The following RMDN2 variants were observed in gnomAD, a reference collection of about 807,000 sequenced individuals.
The protein encoded by RMDN2 is regulator of microtubule dynamics 2.
RMDN2 carries 61 observed loss-of-function variants against 52.8 expected under a neutral mutation model. The ratio of observed to expected loss-of-function variants is 1.16; its 90% CI spans 0.94 to 1.43. The LOEUF is 1.43. Ranked by LOEUF, RMDN2 falls within the 40% of genes most tolerant of loss-of-function variation. RMDN2 has a pLI of 0.00. For synonymous variants in RMDN2, 180 were observed against 153.1 expected, an observed-to-expected ratio of 1.18 and a Z score of -1.30; for missense variants, 592 against 475.3, an observed-to-expected ratio of 1.25 and a Z score of -2.28.
intron 10 of RMDN2, among the ~76,000 whole-genome samples, chr2:38,006,011 G>T (rs1360496304): frequency 6.6e-6 from 1 of 152,172 alleles, no homozygotes; most frequent in African/African-American, 2.4e-5. Flanking sequence ...TCAGATGGTT[G>T]TAGATATGCA....
At chr2:37,964,184 A>G (rs1323930870) in intron 2 of RMDN2, among the ~76,000 whole-genome samples, 32 of 138,392 alleles carry the variant, frequency 2.3e-4, no homozygotes, top group African/African-American at 8.2e-4. Context: ...CAGACAGGGC[A>G]GCTGCCGGGC....
chr2:37,994,732 CAT>C (rs1479759193), intron 7 of RMDN2, among the ~76,000 whole-genome samples: 19 of 152,288 alleles, frequency 1.2e-4, no homozygotes, highest in African/African-American at 4.3e-4. Flanking sequence ...AATTGAAACT[CAT>C]ATGTTTCAAT....
chr2:37,977,701 G>C (rs1245044115), intron 4 of RMDN2, among the ~76,000 whole-genome samples: 1 of 151,916 alleles, frequency 6.6e-6, no homozygotes, highest in Non-Finnish European at 1.5e-5. Flanking sequence ...GCCGGGTAGA[G>C]GCGCTCTTCA....
chr2:37,991,149 G>A (rs1340573132), intron 6 of RMDN2, 71 bp from the exon 7 acceptor site: 1 of 758,130 alleles, frequency 1.3e-6, no homozygotes, highest in Non-Finnish European at 2.2e-6. Flanking sequence ...TGAGTTACTA[G>A]GCTTTGGTGT....
At chr2:38,018,085 G>A (rs529098973), downstream of RMDN2, among the ~76,000 whole-genome samples, 1 of 152,248 alleles carries the variant, frequency 6.6e-6, no homozygotes, top group African/African-American at 2.4e-5. Flanking sequence ...GTTAAGGCAG[G>A]GACCAGCCAT....
At chr2:38,055,429 G>A (rs1681821828) in intron 10 of RMDN2, among the ~76,000 whole-genome samples, 1 of 152,032 alleles carries the variant, frequency 6.6e-6, no homozygotes, top group Non-Finnish European at 1.5e-5. Flanking sequence ...TTGGCTCTTA[G>A]AACCAGAAAT....
At chr2:38,006,649 A>G (rs1191336915) in intron 10 of RMDN2, among the ~76,000 whole-genome samples, 1 of 152,188 alleles carries the variant, frequency 6.6e-6, no homozygotes, top group Non-Finnish European at 1.5e-5. Flanking sequence ...GTCATCTGCA[A>G]ACAGGGACAA....
chr2:37,966,113 T>A (rs562565466), intron 2 of RMDN2, among the ~76,000 whole-genome samples: 2 of 152,280 alleles, frequency 1.3e-5, no homozygotes, highest in Admixed American at 1.3e-4. Flanking sequence ...TTATCCCACT[T>A]GGAGTTTGTT....
chr2:37,932,285 A>C (rs1381269919), intron 2 of RMDN2, among the ~76,000 whole-genome samples: 1 of 151,418 alleles, frequency 6.6e-6, no homozygotes, highest in African/African-American at 2.4e-5. Flanking sequence ...TGCTGCCTTC[A>C]AGCATCTGTT....
At chr2:38,062,367 T>C (rs983376459) in intron 10 of RMDN2, among the ~76,000 whole-genome samples, 1 of 152,260 alleles carries the variant, frequency 6.6e-6, no homozygotes, top group Non-Finnish European at 1.5e-5. Context: ...CATAATTCCC[T>C]TGAGATTCAT....
intron 7 of RMDN2, 120 bp downstream of exon 7, chr2:37,991,417 C>A: frequency 2.7e-6 from 1 of 370,228 alleles, no homozygotes. Flanking sequence ...ATTATAATAG[C>A]AATAAAATTT....
intron 10 of RMDN2, among the ~76,000 whole-genome samples, chr2:38,035,525 A>G (rs932721711): frequency 6.6e-6 from 1 of 152,236 alleles, no homozygotes; most frequent in African/African-American, 2.4e-5. Flanking sequence ...TACCTACCAG[A>G]TAAGAAAAAA....
chr2:37,962,159 G>A (rs1670324903), intron 2 of RMDN2, among the ~76,000 whole-genome samples: 1 of 152,214 alleles, frequency 6.6e-6, no homozygotes, highest in Non-Finnish European at 1.5e-5. Context: ...CTCGTCCGGA[G>A]GCACAAGGGT....
rs1476468731 is a variant in RMDN2 at position 37,932,825 on chromosome 2, C to T, written c.452+3096C>T. On this transcript the variant is annotated intron_variant, in intron 2 of 10. Coordinates refer to ENST00000354545, the MANE Select transcript of RMDN2 (RefSeq NM_001170791.3). ...CTGGCTGGGCGGGGGGCTGACCCCC[C>T]GACCTCCCTCCCGGACGGGGCGGCT... Among the ~76,000 whole-genome samples, 45 of 128,330 alleles carry T rather than the reference C, an allele frequency of 3.5e-4. 4 individuals are homozygous for T. Among genetic ancestry groups the T allele is most frequent in the Non-Finnish European group, 5.8e-4 (33 of 57,362 alleles). The allele number at this position is 128,330 out of a possible 152,430, so 84.2% of individuals were successfully genotyped here.
At chr2:38,054,042 C>G (rs1252627289) in intron 10 of RMDN2, among the ~76,000 whole-genome samples, 3 of 152,204 alleles carry the variant, frequency 2.0e-5, no homozygotes, top group South Asian at 4.1e-4. Context: ...TATCAGATTA[C>G]TGTACTCACC....
intron 2 of RMDN2, among the ~76,000 whole-genome samples, chr2:37,934,189 C>T (rs1327184159): frequency 6.6e-6 from 1 of 152,130 alleles, no homozygotes; most frequent in African/African-American, 2.4e-5. Context: ...TTGTTTCACA[C>T]AAGAAAGGAA....
intron 10 of RMDN2, chr2:38,033,087 T>C (rs1348684610): frequency 6.6e-6 from 1 of 152,212 alleles, no homozygotes; most frequent in Non-Finnish European, 1.5e-5. Flanking sequence ...TAATCTTTAA[T>C]TTTAGCCATT....
intron 10 of RMDN2, among the ~76,000 whole-genome samples, chr2:38,061,652 C>T (rs1682056856): frequency 2.0e-5 from 3 of 151,498 alleles, no homozygotes; most frequent in Non-Finnish European, 2.9e-5. Context: ...CACACACACA[C>T]ATACACACAT....
intron 10 of RMDN2, among the ~76,000 whole-genome samples, chr2:38,065,445 C>G (rs2125311914): frequency 6.6e-6 from 1 of 152,066 alleles, no homozygotes; most frequent in Non-Finnish European, 1.5e-5. Flanking sequence ...TAGCTCTGAC[C>G]CAAAGGGATC....
Sources: allele counts gnomAD v4.1 joint callset (sites outside exome capture counted in the v4.1 genomes callset), GRCh38; gene constraint gnomAD v4.1.1; transcripts MANE v1.5; gene names NCBI Gene and HGNC (gene_info 2026-07-23, HGNC 2026-07-21).